Variants in MRPS30 observed in about 807,000 individuals in gnomAD.
The protein encoded by MRPS30 is large ribosomal subunit protein mL65.
Under a neutral mutation model 43.8 loss-of-function variants are expected in MRPS30, and 42 were observed. That is an observed-to-expected ratio of 0.96 (90% CI 0.75 to 1.24). The LOEUF is 1.24. Ranked by LOEUF, MRPS30 falls within the 50% of genes most tolerant of loss-of-function variation. MRPS30 has a pLI of 0.00. For missense variants in MRPS30, 638 were observed against 570.0 expected, an observed-to-expected ratio of 1.12 and a Z score of -1.22; for synonymous variants, 273 against 228.2, an observed-to-expected ratio of 1.20 and a Z score of -1.77.
At position 44,811,116 on chromosome 5, in the gene MRPS30, C is replaced by A. The variant is rs200967272; in HGVS notation, c.709C>A (p.Pro237Thr). The change falls in exon 2 of 5, where the codon CCA (proline) becomes ACA (threonine). Residue 237 changes from proline to threonine, a missense_variant. Pro to Thr is a conservative substitution (Grantham distance 38). Transcript: ENST00000507110. ...CTTGCGATACCAGATAGATGATAAA[C>A]CAAACAACCAGATTCGAATATCCAA... ...DDLRYQIDDK[P>T]NNQIRISKQL... 6.2e-7 allele frequency: 1 copy of A among 1,613,966 alleles called. No homozygotes were observed. Among genetic ancestry groups the A allele is most frequent in the Admixed American group, 1.7e-5 (1 of 60,010 alleles).
Position 44,809,094 on chromosome 5 carries a change from C to T in MRPS30, c.132C>T (p.Tyr44=), listed in dbSNP as rs765516525. The T allele has an allele frequency of 3.1e-6, 5 of 1,611,058 alleles. No individual in the cohort carries two copies. In the South Asian group the frequency reaches 5.5e-5, roughly 18 times the overall value. ...TCGCGGCGACCCCCGTCGCGCGGTACCCGCCGATTGTGGCCTCCATGACAG... is the reference window on the plus strand; with the variant it reads ...TCGCGGCGACCCCCGTCGCGCGGTATCCGCCGATTGTGGCCTCCATGACAG... ...QDVAATPVAR[Y]PPIVASMTAD... The change falls in exon 1 of 5, where the codon TAC becomes TAT. Residue 44 remains tyrosine (Y), a synonymous_variant. Transcript: ENST00000507110.
chr5:44,813,868 T>C (rs779766839), intron 4 of MRPS30, among the ~76,000 whole-genome samples: 9 of 152,152 alleles, frequency 5.9e-5, no homozygotes, highest in East Asian at 1.9e-4. Flanking sequence ...GAAAATACTT[T>C]AGCCTAAAGA....
Position 44,809,003 on chromosome 5 carries a change from C to G in MRPS30, c.41C>G (p.Pro14Arg). 3 of 1,609,248 alleles carry G rather than the reference C, an allele frequency of 1.9e-6. No homozygotes were observed. Among genetic ancestry groups the G allele is most frequent in the Non-Finnish European group, 2.5e-6 (3 of 1,178,418 alleles). The change falls in exon 1 of 5, where the codon CCG becomes CGG. Residue 14 changes from proline (P) to arginine (R), a missense_variant. By Grantham distance (103) the Pro-to-Arg change is moderately radical (BLOSUM62 -2). Transcript: ENST00000507110. ...TGTTGGAGGCCTTTGCTACGCGGTC[C>G]GAGGCTTTCATTGCACACCGCGGCT... ...ARCWRPLLRG[P>R]RLSLHTAANA... is the part of the protein sequence containing the mutation.
chr5:44,810,298 G>A (rs1006979871), intron 1 of MRPS30, among the ~76,000 whole-genome samples: 1 of 152,070 alleles, frequency 6.6e-6, no homozygotes, highest in Non-Finnish European at 1.5e-5. Context: ...GAGATTAGGG[G>A]GTCAAACTTC....
chr5:44,813,045 C>A, intron 3 of MRPS30, 61 bp from the exon 4 acceptor site: 1 of 1,530,110 alleles, frequency 6.5e-7, no homozygotes, highest in Non-Finnish European at 8.9e-7. Context: ...AATACTAAAA[C>A]ATGTGCTCCA....
Position 44,809,748 on chromosome 5 carries a change from G to A in MRPS30, c.601+185G>A, listed in dbSNP as rs533299025. On this transcript the variant is annotated intron_variant, in intron 1 of 4. Coordinates refer to ENST00000507110, the MANE Select transcript of MRPS30 (RefSeq NM_016640.4). ...ACTGCGTTAGGAATCTAGAGACTAGGTGTGTGTGGCTGCGCTAACACCTAC... is the reference window on the plus strand; with the variant it reads ...ACTGCGTTAGGAATCTAGAGACTAGATGTGTGTGGCTGCGCTAACACCTAC... 3.5e-4 allele frequency: 226 copies of A among 643,708 alleles called. 2 individuals are homozygous for A. The South Asian group carries it at 4.6e-3, about 13-fold the overall frequency. The allele number at this position is 643,708 out of a possible 1,614,324, so 39.9% of individuals were successfully genotyped here.
rs72756207 is a variant in MRPS30 at position 44,811,105 on chromosome 5, T to G, written c.698T>G (p.Ile233Arg). ...RGRIDDLRYQ[I>R]DDKPNNQIRI... ...CGAATTGATGACTTGCGATACCAGA[T>G]AGATGATAAACCAAACAACCAGATT... The change falls in exon 2 of 5, where the codon ATA becomes AGA. Residue 233 changes from isoleucine (I) to arginine (R), a missense_variant. Ile to Arg is a moderately conservative substitution (Grantham distance 97). Coordinates refer to ENST00000507110, the MANE Select transcript of MRPS30 (RefSeq NM_016640.4). 3.0e-3 allele frequency: 4,880 copies of G among 1,614,092 alleles called. No homozygotes were observed. The highest frequency in any genetic ancestry group is 3.2e-3 in the Non-Finnish European group (3,800 of 1,179,972).
In MRPS30 at chr5:44,814,969, G is replaced by C. The variant is rs760598585; in HGVS notation, c.1087G>C (p.Asp363His). ...TTTTGTCTCCCAGGCTGTGATCACAGATGGAAAATACTTTTCCTTTTTCTG... is the reference window on the plus strand; with the variant it reads ...TTTTGTCTCCCAGGCTGTGATCACACATGGAAAATACTTTTCCTTTTTCTG... ...RPFVSQAVITDGKYFSFFCYQ... is the reference protein window; with the variant it reads ...RPFVSQAVITHGKYFSFFCYQ... Residue 363 changes from aspartate (D) to histidine (H), a missense_variant, in exon 5 of 5, where the codon GAT becomes CAT. By Grantham distance (81) the Asp-to-His change is moderately conservative. Coordinates refer to ENST00000507110, the MANE Select transcript of MRPS30 (RefSeq NM_016640.4). 1 of 1,613,832 alleles carries C rather than the reference G, an allele frequency of 6.2e-7. No homozygotes were observed. The highest frequency in any genetic ancestry group is 1.3e-5 in the African/African-American group (1 of 75,042).
chr5:44,812,999 A>G, intron 3 of MRPS30, 107 bp from the exon 4 acceptor site: 1 of 934,870 alleles, frequency 1.1e-6, no homozygotes, highest in Non-Finnish European at 1.6e-6. Flanking sequence ...TAGAGTACTG[A>G]GAATATGATG....
intron 1 of MRPS30, chr5:44,810,070 T>C (rs1240431563): frequency 1.3e-5 from 2 of 153,526 alleles, no homozygotes; most frequent in African/African-American, 4.8e-5. Context: ...TGTTGTAGAA[T>C]TGTGAAGATT....
At chr5:44,811,521 T>C (rs1224921940) in intron 2 of MRPS30, among the ~76,000 whole-genome samples, 1 of 152,244 alleles carries the variant, frequency 6.6e-6, no homozygotes, top group African/African-American at 2.4e-5. Context: ...TGGGCCATTT[T>C]ACATATTTGC....
intron 3 of MRPS30, among the ~76,000 whole-genome samples, chr5:44,812,423 G>C (rs1195830067): frequency 6.6e-6 from 1 of 152,024 alleles, no homozygotes; most frequent in African/African-American, 2.4e-5. Flanking sequence ...TCTGATGTCT[G>C]CCCTCCCTCA....
In MRPS30 at chr5:44,809,055, G is replaced by A. The variant is rs181330521; in HGVS notation, c.93G>A (p.Thr31=). Residue 31 remains threonine (T), a synonymous_variant, in exon 1 of 5, where the codon ACG becomes ACA. Coordinates refer to ENST00000507110, the MANE Select transcript of MRPS30 (RefSeq NM_016640.4). Reference sequence around the variant, plus strand: ...ATGCCGCCGCCACGGCTACAGAAACGACCTGCCAAGACGTCGCGGCGACCC... The same window carrying A: ...ATGCCGCCGCCACGGCTACAGAAACAACCTGCCAAGACGTCGCGGCGACCC... The part of the protein sequence containing the change: ...AANAAATATE[T]TCQDVAATPV... 598 of 1,610,442 alleles carry A rather than the reference G, an allele frequency of 3.7e-4. 2 individuals carry two copies. The East Asian group carries it at 0.012, about 31-fold the overall frequency.
Position 44,809,078 on chromosome 5 carries a change from C to A in MRPS30, c.116C>A (p.Thr39Asn), listed in dbSNP as rs1251471168. 1 of 1,609,860 alleles carries A rather than the reference C, an allele frequency of 6.2e-7. No individual in the cohort carries two copies. Among genetic ancestry groups the A allele is most frequent in the Non-Finnish European group, 8.5e-7 (1 of 1,178,610 alleles). ...TETTCQDVAA[T>N]PVARYPPIVA... ...ACGACCTGCCAAGACGTCGCGGCGA[C>A]CCCCGTCGCGCGGTACCCGCCGATT... is the stretch of plus-strand genomic sequence containing the variant. Residue 39 changes from threonine (T) to asparagine (N), a missense_variant, in exon 1 of 5, where the codon ACC becomes AAC. Transcript: ENST00000507110.
rs764863439 is a variant in MRPS30 at position 44,809,272 on chromosome 5, C to T, written c.310C>T (p.Arg104Cys). 1.9e-6 allele frequency: 3 copies of T among 1,613,372 alleles called. No individual in the cohort carries two copies. Among genetic ancestry groups the T allele is most frequent in the Non-Finnish European group, 8.5e-7 (1 of 1,179,892 alleles). ...YPQTFALNAD[R>C]WYQYFTKTVF... ...GCAGACCTTCGCGCTGAATGCCGAC[C>T]GCTGGTACCAGTACTTCACCAAGAC... Residue 104 changes from arginine to cysteine, a missense_variant, in exon 1 of 5, where the codon CGC (arginine) becomes TGC (cysteine). Arg to Cys is a radical substitution (Grantham distance 180). Transcript: ENST00000507110.
chr5:44,812,089 GACT>G (rs1742849232), intron 3 of MRPS30, 69 bp downstream of exon 3: 2 of 1,061,702 alleles, frequency 1.9e-6, no homozygotes, highest in African/African-American at 3.3e-5. Context: ...TTGGAGTATT[GACT>G]ACAATGAGGA....
At position 44,815,333 on chromosome 5, in the gene MRPS30, A is replaced by G. The variant is rs1172628455; in HGVS notation, c.*131A>G. 21 of 813,414 alleles carry G rather than the reference A, an allele frequency of 2.6e-5. No individual in the cohort carries two copies. Among genetic ancestry groups the G allele is most frequent in the Middle Eastern group, 3.7e-4 (1 of 2,686 alleles). 50.4% of individuals were successfully genotyped at this position (813,414 alleles called of 1,614,324 possible). Reference sequence around the variant, plus strand: ...CAAATATTTCTTATGTCAACCTGTTATTAGATCTCTTACTCTGCTCAAATT... The same window carrying G: ...CAAATATTTCTTATGTCAACCTGTTGTTAGATCTCTTACTCTGCTCAAATT... On this transcript the variant is annotated 3_prime_UTR_variant, in exon 5 of 5. Transcript: ENST00000507110.
chr5:44,811,938 TC>T lies in MRPS30; in HGVS notation c.773del (p.Pro258LeufsTer2), dbSNP rs1742846250. ...AEFVPLDYSV[P>X]IEIPTIKCKP... Reference sequence around the variant, plus strand: ...AGTTTGTGCCATTGGATTATTCTGTTCCTATAGAAATCCCCACTATAAAATG... The same window carrying T: ...AGTTTGTGCCATTGGATTATTCTGTTCTATAGAAATCCCCACTATAAAATG... On this transcript the variant is annotated frameshift_variant, in exon 3 of 5. Coordinates refer to ENST00000507110, the MANE Select transcript of MRPS30 (RefSeq NM_016640.4). LOFTEE classifies it high-confidence loss of function. 1 of 1,590,650 alleles carries T rather than the reference TC, an allele frequency of 6.3e-7. No homozygotes were observed. Among genetic ancestry groups the T allele is most frequent in the African/African-American group, 1.4e-5 (1 of 73,890 alleles).
intron 3 of MRPS30, among the ~76,000 whole-genome samples, chr5:44,812,663 T>C (rs1469070159): frequency 6.6e-6 from 1 of 151,842 alleles, no homozygotes; most frequent in Non-Finnish European, 1.5e-5. Context: ...TTTTTTTTAC[T>C]TAGAAAAGTA....
Sources: allele counts gnomAD v4.1 joint callset (sites outside exome capture counted in the v4.1 genomes callset), GRCh38; gene constraint gnomAD v4.1.1; transcripts MANE v1.5; gene names NCBI Gene and HGNC (gene_info 2026-07-23, HGNC 2026-07-21).